PCDH15: variants seen among roughly 807,000 people sequenced by gnomAD.
PCDH15 encodes the protein protocadherin-15.
In PCDH15, 129 loss-of-function variants were observed where a neutral mutation model predicts 178.5. That is an observed-to-expected ratio of 0.72 (90% CI 0.63 to 0.84). The LOEUF is 0.84. Among genes scored for constraint, PCDH15 ranks in the 40% least tolerant of loss-of-function variants. The pLI is 0.00. For synonymous variants in PCDH15, 800 were observed against 732.0 expected, an observed-to-expected ratio of 1.09 and a Z score of -1.50; for missense variants, 2,230 against 2,099.9, an observed-to-expected ratio of 1.06 and a Z score of -1.21.
intron 2 of PCDH15, among the ~76,000 whole-genome samples, chr10:55,159,361 CTATCTATCTA>C (rs1348778421): frequency 0.046 from 94 of 2,056 alleles, no homozygotes; most frequent in African/African-American, 0.054. Context: ...ATCTATCTAT[CTATCTATCTA>C]TATATATATA....
At chr10:53,846,920 C>A (rs1028629634) in intron 28 of PCDH15, among the ~76,000 whole-genome samples, 3 of 151,952 alleles carry the variant, frequency 2.0e-5, no homozygotes, top group African/African-American at 4.8e-5. Context: ...TTTGCATGCT[C>A]AGTTTACTCC....
intron 2 of PCDH15, among the ~76,000 whole-genome samples, chr10:55,072,690 T>G (rs1203021858): frequency 2.0e-5 from 3 of 151,924 alleles, no homozygotes; most frequent in Non-Finnish European, 4.4e-5. Context: ...CTGGTACCAT[T>G]CCTTCTGAAA....
intron 1 of PCDH15, among the ~76,000 whole-genome samples, chr10:54,741,673 C>A (rs1027235859): frequency 3.9e-5 from 6 of 151,968 alleles, no homozygotes; most frequent in Non-Finnish European, 1.5e-5. Context: ...ATTTATTTGC[C>A]TTTTCTAGCT....
intron 2 of PCDH15, among the ~76,000 whole-genome samples, chr10:55,128,600 C>T (rs1488111014): frequency 5.9e-5 from 9 of 152,002 alleles, no homozygotes; most frequent in Admixed American, 3.9e-4. Context: ...TGTTATTTTT[C>T]TTCCTTTGGT....
chr10:55,000,678 T>C (rs1306653720), intron 2 of PCDH15, among the ~76,000 whole-genome samples: 3 of 152,204 alleles, frequency 2.0e-5, no homozygotes, highest in Non-Finnish European at 4.4e-5. Flanking sequence ...GAGATTGCAG[T>C]AAAGACAGGC....
rs556381520 is a variant in PCDH15 at position 54,625,739 on chromosome 10, A to G, written c.91+38433T>C. ...TTATCAGCAGCTTGAAAACAGACTA[A>G]TACAGTAAATTGGTACCAGTAGAGT... On this transcript the variant is annotated intron_variant, in intron 2 of 37. Coordinates refer to ENST00000644397, the MANE Select transcript of PCDH15 (RefSeq NM_001384140.1). Among the ~76,000 whole-genome samples, 6 of 152,282 alleles carry G rather than the reference A, an allele frequency of 3.9e-5. No homozygotes were observed. The East Asian group carries it at 1.2e-3, about 29-fold the overall frequency.
chr10:54,615,772 T>A (rs2134321340), intron 2 of PCDH15, among the ~76,000 whole-genome samples: 1 of 152,248 alleles, frequency 6.6e-6, no homozygotes, highest in Non-Finnish European at 1.5e-5. Context: ...TCTGAAAAAC[T>A]TTCTCCATTT....
intron 2 of PCDH15, among the ~76,000 whole-genome samples, chr10:55,354,020 T>A (rs1845010132): frequency 1.3e-5 from 2 of 152,032 alleles, no homozygotes; most frequent in Admixed American, 1.3e-4. Flanking sequence ...CCCTTCACCC[T>A]CACTCCTGAT....
intron 1 of PCDH15, among the ~76,000 whole-genome samples, chr10:54,700,438 T>A (rs1007607292): frequency 7.9e-5 from 12 of 151,730 alleles, no homozygotes; most frequent in Admixed American, 2.0e-4. Flanking sequence ...CAAGAGAAAC[T>A]CAAAACCCAA....
Position 53,936,910 on chromosome 10 carries a change from A to T in PCDH15, c.3373+1905T>A, listed in dbSNP as rs1281953984. Among the ~76,000 whole-genome samples, 3 of 152,162 alleles carry T rather than the reference A, an allele frequency of 2.0e-5. No individual in the cohort carries two copies. In the South Asian group the frequency reaches 6.2e-4, roughly 31 times the overall value. On this transcript the variant is annotated intron_variant, in intron 25 of 37. Transcript: ENST00000644397. ...TATTTGCATAACTAATGGGCTGGGG[A>T]TTGACTATAGGCCATTAACAGTTAT... is the stretch of plus-strand genomic sequence containing the variant.
At chr10:54,431,973 A>G (rs942397334) in intron 3 of PCDH15, among the ~76,000 whole-genome samples, 1 of 152,074 alleles carries the variant, frequency 6.6e-6, no homozygotes, top group Non-Finnish European at 1.5e-5. Flanking sequence ...CACATTTACA[A>G]TAGCCACAAA....
At chr10:54,738,733 G>A (rs1307573167) in intron 1 of PCDH15, among the ~76,000 whole-genome samples, 1 of 151,874 alleles carries the variant, frequency 6.6e-6, no homozygotes, top group Non-Finnish European at 1.5e-5. Flanking sequence ...TCCCAGAGAC[G>A]CAAGTATAGT....
intron 26 of PCDH15, among the ~76,000 whole-genome samples, chr10:53,879,653 T>A (rs190816652): frequency 1.3e-5 from 2 of 152,342 alleles, no homozygotes; most frequent in Admixed American, 1.3e-4. Context: ...TTCAAACTAA[T>A]TTTTTTCTCT....
At chr10:54,556,472 C>T (rs2087280403) in intron 2 of PCDH15, among the ~76,000 whole-genome samples, 1 of 151,912 alleles carries the variant, frequency 6.6e-6, no homozygotes, top group African/African-American at 2.4e-5. Flanking sequence ...ACTTATAGCT[C>T]AGAAAGTATA....
At chr10:54,661,579 A>C (rs933406921) in intron 2 of PCDH15, among the ~76,000 whole-genome samples, 5 of 151,940 alleles carry the variant, frequency 3.3e-5, no homozygotes, top group African/African-American at 7.2e-5. Context: ...AACCAAAAAA[A>C]GAGCCTTAAT....
chr10:53,926,673 C>G (rs7090247), intron 25 of PCDH15, among the ~76,000 whole-genome samples: 12,966 of 152,236 alleles, frequency 0.085, 593 homozygotes, highest in East Asian at 0.1. Flanking sequence ...GGCACATGTT[C>G]TAGGATCTGA....
At chr10:55,088,821 T>A (rs888290067) in intron 2 of PCDH15, among the ~76,000 whole-genome samples, 2 of 152,136 alleles carry the variant, frequency 1.3e-5, no homozygotes, top group African/African-American at 4.8e-5. Flanking sequence ...CTGAAATGAT[T>A]TATATTTCTA....
intron 2 of PCDH15, among the ~76,000 whole-genome samples, chr10:55,036,426 G>C (rs552134169): frequency 4.6e-5 from 7 of 152,038 alleles, no homozygotes; most frequent in Non-Finnish European, 2.9e-5. Flanking sequence ...GACAAGCTCC[G>C]GTATGTTAAG....
chr10:54,101,030 C>A (rs2094802223), intron 15 of PCDH15, among the ~76,000 whole-genome samples: 1 of 152,148 alleles, frequency 6.6e-6, no homozygotes, highest in Admixed American at 6.5e-5. Flanking sequence ...CCACCCAAAT[C>A]TCGTCTTTAA....
Sources: allele counts gnomAD v4.1 joint callset (sites outside exome capture counted in the v4.1 genomes callset), GRCh38; gene constraint gnomAD v4.1.1; transcripts MANE v1.5; gene names NCBI Gene and HGNC (gene_info 2026-07-23, HGNC 2026-07-21).